PAK2: variants seen among roughly 807,000 people sequenced by gnomAD.
PAK2 encodes the protein serine/threonine-protein kinase PAK 2.
A neutral mutation model predicts 65.9 loss-of-function variants in PAK2; 21 were observed. That is an observed-to-expected ratio of 0.32 (90% CI 0.23 to 0.46). The LOEUF (loss-of-function observed/expected upper bound fraction) is 0.46. Ranked by LOEUF, PAK2 falls within the 20% of genes least tolerant of loss-of-function variation. PAK2 has a pLI of 1.00. For synonymous variants in PAK2, 204 were observed against 219.7 expected, an observed-to-expected ratio of 0.93 and a Z score of 0.63; for missense variants, 324 against 642.6, an observed-to-expected ratio of 0.50 and a Z score of 5.36.
chr3:196,799,961 A>G (rs1053329093), intron 2 of PAK2, among the ~76,000 whole-genome samples: 10 of 152,230 alleles, frequency 6.6e-5, no homozygotes, highest in Non-Finnish European at 1.5e-4. Flanking sequence ...TGGTATTCTG[A>G]TAAAGCGTAC....
intron 14 of PAK2, among the ~76,000 whole-genome samples, chr3:196,827,690 C>T (rs1711927775): frequency 6.6e-6 from 1 of 151,952 alleles, no homozygotes; most frequent in Non-Finnish European, 1.5e-5. Context: ...CAACATGGCA[C>T]ATGTGTACAT....
At chr3:196,751,694 T>TATATATGTATATATA (rs1211217848) in intron 1 of PAK2, among the ~76,000 whole-genome samples, 1 of 45,874 alleles carries the variant, frequency 2.2e-5, no homozygotes, top group African/African-American at 1.2e-4. Context: ...TATATATATA[T>TATATATGTATATATA]AATTCAGGCT....
In PAK2 at chr3:196,826,923, C is replaced by CA. The variant is rs553157061; in HGVS notation, c.1351-264dup. ...GTGACAGAGCAAGATTCCGTCTCAA[C>CA]AAAAAAAAACAAAACAAAAGCAATA... On this transcript the variant is annotated intron_variant, in intron 13 of 14. Coordinates refer to ENST00000327134, the MANE Select transcript of PAK2 (RefSeq NM_002577.4). Among the ~76,000 whole-genome samples, 261 of 147,452 alleles carry CA rather than the reference C, an allele frequency of 1.8e-3. 1 individual carries two copies. Among genetic ancestry groups the CA allele is most frequent in the African/African-American group, 4.6e-3 (184 of 39,982 alleles).
At chr3:196,792,806 T>A (rs73205838) in intron 2 of PAK2, among the ~76,000 whole-genome samples, 40,645 of 138,824 alleles carry the variant, frequency 0.29, 5,761 homozygotes, top group African/African-American at 0.36. Flanking sequence ...CAGAAAAAAA[T>A]ATATATATAT....
chr3:196,814,537 A>T lies in PAK2; in HGVS notation c.1022A>T (p.Asp341Val). Residue 341 changes from aspartate (D) to valine (V), a missense_variant, in exon 11 of 15, where the codon GAT (aspartate) becomes GTT (valine). Coordinates refer to ENST00000327134, the MANE Select transcript of PAK2 (RefSeq NM_002577.4). ...LTDVVTETCM[D>V]EAQIAAVCRE... The stretch of plus-strand genomic sequence containing the variant: ...GATGTGGTAACAGAAACGTGCATGG[A>T]TGAAGCACAGATTGCTGCTGTATGC... 2 of 1,499,040 alleles carry T rather than the reference A, an allele frequency of 1.3e-6. No homozygotes were observed. Among genetic ancestry groups the T allele is most frequent in the Non-Finnish European group, 1.9e-6 (2 of 1,078,562 alleles). 92.9% of individuals were successfully genotyped at this position (1,499,040 alleles called of 1,614,324 possible).
At chr3:196,826,381 T>C (rs941404319) in intron 13 of PAK2, among the ~76,000 whole-genome samples, 7 of 151,534 alleles carry the variant, frequency 4.6e-5, no homozygotes, top group South Asian at 2.1e-4. Context: ...ACCATGTTAG[T>C]CAGGATGCTC....
chr3:196,802,908 C>A, intron 3 of PAK2, 109 bp from the exon 4 acceptor site: 1 of 659,096 alleles, frequency 1.5e-6, no homozygotes. Context: ...TTACTCAAAC[C>A]TACACTCAAA....
rs774887398 is a variant in PAK2, at chr3:196,830,232, G to T, written c.*1827G>T. 5 of 152,088 alleles carry T rather than the reference G, an allele frequency of 3.3e-5. No individual in the cohort carries two copies. Among genetic ancestry groups the T allele is most frequent in the African/African-American group, 1.2e-4 (5 of 41,404 alleles). The allele number at this position is 152,088 out of a possible 1,614,324, so 9.4% of individuals were successfully genotyped here. On this transcript the variant is annotated 3_prime_UTR_variant, in exon 15 of 15. Coordinates refer to ENST00000327134, the MANE Select transcript of PAK2 (RefSeq NM_002577.4). ...TAAGGCAAGATTTTCAGAAAAATGA[G>T]TAAAATAATTAATGAAACATATTTA...
rs77016548 is a variant in PAK2 at position 196,829,510 on chromosome 3, G to T, written c.*1105G>T. 2 of 152,114 alleles carry T rather than the reference G, an allele frequency of 1.3e-5. No homozygotes were observed. Among genetic ancestry groups the T allele is most frequent in the Non-Finnish European group, 2.9e-5 (2 of 68,024 alleles). The allele number at this position is 152,114 out of a possible 1,614,324, so 9.4% of individuals were successfully genotyped here. ...AAAATATTTGGGACTAGCAGCAGAG[G>T]CAGTAAGAGATGTGAACCTTGGTGA... On this transcript the variant is annotated 3_prime_UTR_variant, in exon 15 of 15. Transcript: ENST00000327134.
At chr3:196,773,036 C>T (rs1388682664) in intron 1 of PAK2, among the ~76,000 whole-genome samples, 1 of 152,154 alleles carries the variant, frequency 6.6e-6, no homozygotes, top group Non-Finnish European at 1.5e-5. Flanking sequence ...GTTCCAGATA[C>T]CACTCCGCTG....
At chr3:196,824,036 T>C (rs1711743597) in intron 13 of PAK2, among the ~76,000 whole-genome samples, 1 of 152,016 alleles carries the variant, frequency 6.6e-6, no homozygotes, top group Non-Finnish European at 1.5e-5. Flanking sequence ...TCGGAACTCA[T>C]TCCAAGCTGA....
intron 1 of PAK2, among the ~76,000 whole-genome samples, chr3:196,747,542 A>G (rs1713429888): frequency 1.3e-5 from 2 of 152,188 alleles, no homozygotes; most frequent in East Asian, 1.9e-4. Context: ...GTCAGCTTCT[A>G]TAATCTTTTA....
intron 1 of PAK2, among the ~76,000 whole-genome samples, chr3:196,741,735 A>G (rs1713198068): frequency 6.6e-6 from 1 of 152,246 alleles, no homozygotes; most frequent in Non-Finnish European, 1.5e-5. Flanking sequence ...CTTAAATAGT[A>G]GTATCAGTTG....
intron 1 of PAK2, among the ~76,000 whole-genome samples, chr3:196,776,721 A>C: frequency 6.6e-6 from 1 of 152,222 alleles, no homozygotes; most frequent in East Asian, 1.9e-4. Flanking sequence ...ATTTTCCAAA[A>C]ACCAATTCAT....
At chr3:196,742,803 G>C (rs916869123) in intron 1 of PAK2, among the ~76,000 whole-genome samples, 18 of 152,214 alleles carry the variant, frequency 1.2e-4, no homozygotes, top group Middle Eastern at 3.2e-3. Flanking sequence ...TGTAGTCCCA[G>C]CTACTCGGGA....
intron 1 of PAK2, among the ~76,000 whole-genome samples, chr3:196,745,599 AT>A (rs1713349278): frequency 2.6e-5 from 4 of 152,168 alleles, no homozygotes; most frequent in Admixed American, 2.6e-4. Flanking sequence ...GGATCACCTG[AT>A]GTCAGCAGTT....
At chr3:196,818,279 T>C (rs1293408702) in intron 12 of PAK2, 123 bp downstream of exon 12, 1 of 539,276 alleles carries the variant, frequency 1.9e-6, no homozygotes, top group African/African-American at 1.9e-5. Context: ...GGTGAGACCT[T>C]TGAAAACTGA....
chr3:196,760,149 A>G (rs914333479), intron 1 of PAK2, among the ~76,000 whole-genome samples: 1 of 152,078 alleles, frequency 6.6e-6, no homozygotes, highest in African/African-American at 2.4e-5. Context: ...AGGGTCTTCT[A>G]TATTGTCCAG....
At chr3:196,827,139 G>GTAGAT in intron 13 of PAK2, 57 bp from the exon 14 acceptor site, 1 of 1,162,518 alleles carries the variant, frequency 8.6e-7, no homozygotes, top group Admixed American at 2.2e-5. Flanking sequence ...TTTATGGAGT[G>GTAGAT]CTCTGTGACC....
Sources: allele counts gnomAD v4.1 joint callset (sites outside exome capture counted in the v4.1 genomes callset), GRCh38; gene constraint gnomAD v4.1.1; transcripts MANE v1.5; gene names NCBI Gene and HGNC (gene_info 2026-07-23, HGNC 2026-07-21).